The following B3GNT3 variants were observed in gnomAD, a reference collection of about 807,000 sequenced individuals.
B3GNT3 encodes N-acetyllactosaminide beta-1,3-N-acetylglucosaminyltransferase 3.
In B3GNT3, 7 loss-of-function variants were observed where a neutral mutation model predicts 11.6. The ratio of observed to expected loss-of-function variants is 0.60; its 90% CI spans 0.34 to 1.13. The LOEUF (loss-of-function observed/expected upper bound fraction) is 1.13, where lower values mean the gene tolerates loss of function less well. B3GNT3 is among the 50% of genes most tolerant of loss of function. B3GNT3 has a pLI of 0.03. For synonymous variants in B3GNT3, 201 were observed against 222.1 expected (o/e 0.90, Z 0.85); for missense variants, 400 against 507.4 (o/e 0.79, Z 2.03).
In B3GNT3 at chr19:17,808,160, G is replaced by A; in HGVS notation, c.353G>A (p.Ser118Asn). 6.2e-7 allele frequency: 1 copy of A among 1,612,074 alleles called. No individual in the cohort carries two copies. Among genetic ancestry groups the A allele is most frequent in the Non-Finnish European group, 8.5e-7 (1 of 1,178,814 alleles). Reference sequence around the variant, plus strand: ...CTGCTGGTGATCAAGTCCTCCCCTAGCAACTATGTGCGCCGCGAGCTGCTG... The same window carrying A: ...CTGCTGGTGATCAAGTCCTCCCCTAACAACTATGTGCGCCGCGAGCTGCTG... ...FLLLVIKSSP[S>N]NYVRRELLRR... is the part of the protein sequence containing the mutation. Residue 118 changes from serine (S) to asparagine (N), a missense_variant, in exon 2 of 3, where the codon AGC becomes AAC. By Grantham distance (46) the Ser-to-Asn change is conservative (BLOSUM62 1). Transcript: ENST00000318683.
At chr19:17,809,919 A>G (rs1343577662) in intron 2 of B3GNT3, among the ~76,000 whole-genome samples, 1 of 152,158 alleles carries the variant, frequency 6.6e-6, no homozygotes, top group African/African-American at 2.4e-5. Flanking sequence ...GTTCCTGCTC[A>G]TAGGAGGTAC....
intron 1 of B3GNT3, 26 bp from the exon 2 acceptor site, chr19:17,807,732 T>C: frequency 2.2e-6 from 3 of 1,372,150 alleles, no homozygotes; most frequent in Non-Finnish European, 3.0e-6. Flanking sequence ...TCATGGCGAG[T>C]GTTCAGTGAG....
chr19:17,813,086 C>A lies in B3GNT3; in HGVS notation c.*964C>A, dbSNP rs1009916835. On this transcript the variant is annotated 3_prime_UTR_variant, in exon 3 of 3. Coordinates refer to ENST00000318683, the MANE Select transcript of B3GNT3 (RefSeq NM_014256.4). ...TAAAATTTTGTGAAGACTTGGAGAT[C>A]TTTTTTTTTTTTTAAGCAAATTTAC... 2 of 145,590 alleles carry A rather than the reference C, an allele frequency of 1.4e-5. No individual in the cohort carries two copies. Among genetic ancestry groups the A allele is most frequent in the African/African-American group, 5.0e-5 (2 of 39,716 alleles). 9.0% of individuals were successfully genotyped at this position (145,590 alleles called of 1,614,324 possible).
intron 1 of B3GNT3, among the ~76,000 whole-genome samples, chr19:17,807,136 G>GTGTGTGTGTGTGTGTGTGTGTC (rs1479066904): frequency 1.3e-5 from 2 of 150,522 alleles, no homozygotes; most frequent in Non-Finnish European, 3.0e-5. Flanking sequence ...GTGTGTGTGT[G>GTGTGTGTGTGTGTGTGTGTGTC]TGTGTGTGTA....
chr19:17,810,905 A>G (rs1407358167), intron 2 of B3GNT3, among the ~76,000 whole-genome samples: 1 of 147,792 alleles, frequency 6.8e-6, no homozygotes, highest in Non-Finnish European at 1.5e-5. Context: ...AATAATAATA[A>G]TAAAATAAAA....
chr19:17,808,455 G>A, intron 2 of B3GNT3, 81 bp downstream of exon 2: 2 of 1,408,552 alleles, frequency 1.4e-6, no homozygotes, highest in South Asian at 1.4e-5. Flanking sequence ...GGACCCAGGG[G>A]ACCAGAAGTC....
At chr19:17,806,664 T>C (rs2094173337) in intron 1 of B3GNT3, among the ~76,000 whole-genome samples, 1 of 152,132 alleles carries the variant, frequency 6.6e-6, no homozygotes, top group South Asian at 2.1e-4. Flanking sequence ...ATCAAAGTTC[T>C]GGGTTCCGGC....
At chr19:17,799,553 C>A (rs2094163468) in intron 1 of B3GNT3, among the ~76,000 whole-genome samples, 1 of 152,072 alleles carries the variant, frequency 6.6e-6, no homozygotes, top group South Asian at 2.1e-4. Context: ...CAGGTGTGAG[C>A]CACCGAGCCC....
chr19:17,801,145 A>G (rs1340954418), intron 1 of B3GNT3, among the ~76,000 whole-genome samples: 1 of 152,048 alleles, frequency 6.6e-6, no homozygotes, highest in Non-Finnish European at 1.5e-5. Flanking sequence ...TAGTTAATGG[A>G]TTGTTAATGT....
chr19:17,798,542 A>G (rs2094162084), intron 1 of B3GNT3, among the ~76,000 whole-genome samples: 1 of 152,046 alleles, frequency 6.6e-6, no homozygotes, highest in African/African-American at 2.4e-5. Flanking sequence ...ATGGTAACGC[A>G]CACCTGTAAT....
At chr19:17,800,791 ACT>A (rs368422525) in intron 1 of B3GNT3, among the ~76,000 whole-genome samples, 10 of 151,660 alleles carry the variant, frequency 6.6e-5, no homozygotes, top group East Asian at 1.9e-4. Context: ...ACATGGTGAA[ACT>A]CTGTCTCTAC....
Position 17,811,511 on chromosome 19 carries a change from A to T in B3GNT3, c.568-60A>T. On this transcript the variant is annotated intron_variant, in intron 2 of 2. Transcript: ENST00000318683. This position sits in a 1 kb window ranked among gnomAD's most constrained non-coding sequence, Gnocchi z 4.1. ...CTTAGTGGGCTGGAGTGGCTAATAG[A>T]GACCCAAGGCCAATTTCTCCAGCCC... 1 of 1,517,450 alleles carries T rather than the reference A, an allele frequency of 6.6e-7. No homozygotes were observed. The highest frequency in any genetic ancestry group is 8.9e-7 in the Non-Finnish European group (1 of 1,126,524). The allele number at this position is 1,517,450 out of a possible 1,614,324, so 94.0% of individuals were successfully genotyped here.
intron 1 of B3GNT3, among the ~76,000 whole-genome samples, chr19:17,796,122 T>C (rs1046585450): frequency 6.6e-6 from 1 of 152,126 alleles, no homozygotes; most frequent in African/African-American, 2.4e-5. Context: ...GGGACTCACT[T>C]TGTCACCCAG....
Position 17,807,960 on chromosome 19 carries a change from T to TCCTGGCC in B3GNT3, c.155_156insTGGCCCC (p.Pro53GlyfsTer52). ...TCCCCGAGGCCCTGGCCTGGCCCAC[T>TCCTGGCC]CCACCCACCCGCCCAGCCCCGGCCC... On this transcript the variant is annotated frameshift_variant, in exon 2 of 3. Transcript: ENST00000318683. LOFTEE classifies it high-confidence loss of function. The TCCTGGCC allele has an allele frequency of 6.2e-7, 1 of 1,609,546 alleles. No individual in the cohort carries two copies. The highest frequency in any genetic ancestry group is 8.5e-7 in the Non-Finnish European group (1 of 1,178,128).
intron 1 of B3GNT3, among the ~76,000 whole-genome samples, chr19:17,795,717 A>G (rs1267375446): frequency 1.3e-5 from 2 of 152,146 alleles, no homozygotes; most frequent in Admixed American, 6.5e-5. Context: ...GCATGGACAC[A>G]TTGCTGAACC....
chr19:17,806,498 A>G (rs2094173135), intron 1 of B3GNT3, among the ~76,000 whole-genome samples: 1 of 152,070 alleles, frequency 6.6e-6, no homozygotes, highest in South Asian at 2.1e-4. Context: ...TCTGTGCCCC[A>G]GGTGGCCGAG....
rs1444976200 is a variant in B3GNT3, at chr19:17,812,198, G to T, written c.*76G>T. ...CGACACCTTCCTCCCAGGAAGCTGA[G>T]ACCTTTGTGGTCTGAGCATAAGGGA... is the stretch of plus-strand genomic sequence containing the variant. On this transcript the variant is annotated 3_prime_UTR_variant, in exon 3 of 3. Transcript: ENST00000318683. 1 of 1,452,718 alleles carries T rather than the reference G, an allele frequency of 6.9e-7. No individual in the cohort carries two copies. The highest frequency in any genetic ancestry group is 9.1e-7 in the Non-Finnish European group (1 of 1,098,426). 90.0% of individuals were successfully genotyped at this position (1,452,718 alleles called of 1,614,324 possible).
At position 17,808,124 on chromosome 19, in the gene B3GNT3, C is replaced by G; in HGVS notation, c.317C>G (p.Pro106Arg). Reference protein sequence around the residue: ...QDVPPSKCAQPVFLLLVIKSS... With the variant: ...QDVPPSKCAQRVFLLLVIKSS... ...GTGCCCCCCTCTAAGTGCGCGCAGC[C>G]GGTCTTCCTGCTGCTGGTGATCAAG... The change falls in exon 2 of 3, where the codon CCG (proline) becomes CGG (arginine). Residue 106 changes from proline to arginine, a missense_variant. Coordinates refer to ENST00000318683, the MANE Select transcript of B3GNT3 (RefSeq NM_014256.4). 3 of 1,613,778 alleles carry G rather than the reference C, an allele frequency of 1.9e-6. No homozygotes were observed. Among genetic ancestry groups the G allele is most frequent in the Non-Finnish European group, 2.5e-6 (3 of 1,179,894 alleles).
At chr19:17,810,414 A>G (rs531130580) in intron 2 of B3GNT3, among the ~76,000 whole-genome samples, 8 of 152,098 alleles carry the variant, frequency 5.3e-5, no homozygotes, top group Admixed American at 2.0e-4. Context: ...TGTCTCAAAA[A>G]CAAAAACAAA....
Sources: gnomAD v4.1 joint callset for allele counts (sites outside exome capture counted in the v4.1 genomes callset) on GRCh38, gnomAD v4.1.1 for gene constraint, Gnocchi (gnomAD v3.1) non-coding constraint, MANE v1.5 for transcripts, NCBI Gene and HGNC (gene_info 2026-07-23, HGNC 2026-07-21) for gene names.